OSBPL10: variants seen among roughly 807,000 people sequenced by gnomAD.
OSBPL10 encodes oxysterol-binding protein-related protein 10.
Under a neutral mutation model 81.7 loss-of-function variants are expected in OSBPL10, and 49 were observed. That is an observed-to-expected ratio of 0.60 (90% CI 0.48 to 0.76). The LOEUF is 0.76. OSBPL10 is among the 30% of genes least tolerant of loss of function. The pLI, the probability that OSBPL10 is intolerant of heterozygous loss-of-function variation, is 0.00. For synonymous variants in OSBPL10, 419 were observed against 383.6 expected (o/e 1.09, Z -1.08); for missense variants, 923 against 987.8 (o/e 0.93, Z 0.88).
chr3:32,059,938 T>C (rs1484899472), intron 1 of OSBPL10, among the ~76,000 whole-genome samples: 2 of 151,776 alleles, frequency 1.3e-5, no homozygotes, highest in Admixed American at 6.6e-5. Context: ...ACAGGCTAAA[T>C]TAATATAGGG....
chr3:31,983,531 G>T (rs1698891695), upstream of OSBPL10, among the ~76,000 whole-genome samples: 1 of 152,238 alleles, frequency 6.6e-6, no homozygotes, highest in South Asian at 2.1e-4. Context: ...TGGGGCAGGA[G>T]CAAGCCAGCC....
chr3:31,697,769 C>CTT (rs550160798), intron 7 of OSBPL10, among the ~76,000 whole-genome samples: 4 of 146,526 alleles, frequency 2.7e-5, no homozygotes, highest in African/African-American at 5.0e-5. Context: ...GCTTCCTCCT[C>CTT]TTTTTTTTTT....
chr3:31,787,332 C>T (rs1056968302), intron 4 of OSBPL10, among the ~76,000 whole-genome samples: 2 of 152,156 alleles, frequency 1.3e-5, no homozygotes, highest in South Asian at 2.1e-4. Context: ...GGCATGGTGG[C>T]TCATGCCTGT....
In OSBPL10 at chr3:31,858,003, T is replaced by G. The variant is rs1441751549; in HGVS notation, c.537+18430A>C. Among the ~76,000 whole-genome samples, 4 of 150,812 alleles carry G rather than the reference T, an allele frequency of 2.7e-5. No homozygotes were observed. The East Asian group carries it at 7.8e-4, about 29-fold the overall frequency. ...TATATCTTCCCCACAGCCTGTGTTT[T>G]TTTTTTTTTTGAGACAAGGTCTCGT... On this transcript the variant is annotated intron_variant, in intron 3 of 11. Transcript: ENST00000396556.
chr3:31,914,255 A>G (rs1696680626), intron 1 of OSBPL10, among the ~76,000 whole-genome samples: 1 of 152,168 alleles, frequency 6.6e-6, no homozygotes, highest in African/African-American at 2.4e-5. Context: ...CCTAACCAAG[A>G]TCAGTTATCT....
At chr3:31,676,794 G>A (rs997794701) in intron 8 of OSBPL10, among the ~76,000 whole-genome samples, 3 of 152,218 alleles carry the variant, frequency 2.0e-5, no homozygotes, top group Non-Finnish European at 4.4e-5. Flanking sequence ...GCAGCTGAAC[G>A]CCCCTCAGCT....
upstream of OSBPL10, among the ~76,000 whole-genome samples, chr3:31,984,934 G>A (rs1042859844): frequency 9.2e-5 from 14 of 152,088 alleles, no homozygotes; most frequent in South Asian, 4.2e-4. Context: ...AGGCACTTTC[G>A]GTATGATTAA....
intron 3 of OSBPL10, among the ~76,000 whole-genome samples, chr3:31,843,208 T>C (rs1489276851): frequency 1.3e-5 from 2 of 152,310 alleles, no homozygotes; most frequent in East Asian, 3.9e-4. Context: ...CAAGTGCAAA[T>C]CTAGGCATGC....
intron 1 of OSBPL10, among the ~76,000 whole-genome samples, chr3:31,912,451 A>C (rs9849233): frequency 0.51 from 76,822 of 151,224 alleles, 19,718 homozygotes; most frequent in Middle Eastern, 0.62. Flanking sequence ...GGGGGCGGAC[A>C]TTAGTAAAGT....
chr3:31,683,358 TGCAC>T (rs1700703339), intron 8 of OSBPL10, among the ~76,000 whole-genome samples: 1 of 152,166 alleles, frequency 6.6e-6, no homozygotes, highest in South Asian at 2.1e-4. Flanking sequence ...CTGTAAGGTG[TGCAC>T]GCACGCGCGT....
intron 5 of OSBPL10, among the ~76,000 whole-genome samples, chr3:31,739,493 A>G (rs1256177687): frequency 2.0e-5 from 3 of 152,236 alleles, no homozygotes; most frequent in Admixed American, 1.3e-4. Flanking sequence ...TCACATTAAT[A>G]AAGTTAAATG....
intron 5 of OSBPL10, among the ~76,000 whole-genome samples, chr3:31,738,247 C>T (rs1424279913): frequency 6.6e-6 from 1 of 152,036 alleles, no homozygotes; most frequent in East Asian, 1.9e-4. Flanking sequence ...CTTTTTATTA[C>T]TGAAATTCCA....
chr3:32,006,470 T>A (rs542283812), intron 2 of OSBPL10, among the ~76,000 whole-genome samples: 1 of 152,240 alleles, frequency 6.6e-6, no homozygotes, highest in Admixed American at 6.5e-5. Flanking sequence ...TCCATTGAAC[T>A]TTTTTACCCA....
At chr3:31,927,760 T>C (rs1214547171) in intron 1 of OSBPL10, among the ~76,000 whole-genome samples, 1 of 152,168 alleles carries the variant, frequency 6.6e-6, no homozygotes, top group African/African-American at 2.4e-5. Context: ...TTTCCAGAAA[T>C]CTAGTATAAT....
At chr3:31,832,228 G>A (rs1350719011) in intron 3 of OSBPL10, among the ~76,000 whole-genome samples, 1 of 152,192 alleles carries the variant, frequency 6.6e-6, no homozygotes, top group East Asian at 1.9e-4. Context: ...ACATACTGTG[G>A]AAGGATACAT....
At chr3:32,073,245 G>A (rs772268839) in intron 1 of OSBPL10, among the ~76,000 whole-genome samples, 5 of 152,132 alleles carry the variant, frequency 3.3e-5, no homozygotes, top group Non-Finnish European at 7.4e-5. Flanking sequence ...CCTCCAGCAG[G>A]CTAGACAGGA....
intron 3 of OSBPL10, among the ~76,000 whole-genome samples, chr3:31,863,282 G>C (rs778740020): frequency 3.5e-4 from 53 of 152,184 alleles, no homozygotes; most frequent in Non-Finnish European, 6.9e-4. Context: ...GAAATGGGGG[G>C]TGACTGACAG....
At chr3:31,846,359 C>T (rs796682861) in intron 3 of OSBPL10, among the ~76,000 whole-genome samples, 4 of 152,260 alleles carry the variant, frequency 2.6e-5, no homozygotes, top group African/African-American at 9.6e-5. Context: ...CGAGGTGACT[C>T]ATGCCTGTAA....
At chr3:31,994,491 A>AGGAT (rs200832488) in intron 2 of OSBPL10, among the ~76,000 whole-genome samples, 12,075 of 149,680 alleles carry the variant, frequency 0.081, 517 homozygotes, top group Admixed American at 0.091. Context: ...AGGGAAAAAA[A>AGGAT]GGATGGATGG....
Sources: allele counts gnomAD v4.1 joint callset (sites outside exome capture counted in the v4.1 genomes callset), GRCh38; gene constraint gnomAD v4.1.1; transcripts MANE v1.5; gene names NCBI Gene and HGNC (gene_info 2026-07-23, HGNC 2026-07-21).